The following IMMP2L variants were observed in gnomAD, a reference collection of about 807,000 sequenced individuals.
The protein encoded by IMMP2L is inner mitochondrial membrane peptidase subunit 2.
In IMMP2L, 18 loss-of-function variants were observed where a neutral mutation model predicts 19.3. That is an observed-to-expected ratio of 0.93 (90% confidence interval 0.64 to 1.38). The LOEUF (loss-of-function observed/expected upper bound fraction) is 1.38. Among genes scored for constraint, IMMP2L ranks in the 40% most tolerant of loss-of-function variants. The pLI is 0.00. For missense variants in IMMP2L, 233 were observed against 218.2 expected (o/e 1.07, Z -0.43); for synonymous variants, 76 against 73.0 (o/e 1.04, Z -0.21).
At chr7:111,349,175 A>G (rs956843685) in intron 3 of IMMP2L, among the ~76,000 whole-genome samples, 2 of 152,204 alleles carry the variant, frequency 1.3e-5, no homozygotes, top group African/African-American at 4.8e-5. Context: ...GAATCAGAAC[A>G]TAGGATTGCT....
chr7:111,521,947 A>G (rs1846372803), intron 1 of IMMP2L, among the ~76,000 whole-genome samples: 1 of 152,068 alleles, frequency 6.6e-6, no homozygotes, highest in Non-Finnish European at 1.5e-5. Context: ...GCACCCTGAA[A>G]AGGAGGATGC....
intron 2 of IMMP2L, among the ~76,000 whole-genome samples, chr7:111,496,945 T>C (rs183049114): frequency 1.3e-5 from 2 of 151,804 alleles, no homozygotes; most frequent in African/African-American, 4.9e-5. Context: ...CAGATAAATA[T>C]CCTATTCGTT....
intron 5 of IMMP2L, among the ~76,000 whole-genome samples, chr7:110,826,435 C>G (rs1327227700): frequency 6.6e-6 from 1 of 152,106 alleles, no homozygotes; most frequent in South Asian, 2.1e-4. Context: ...TTGGAACCAA[C>G]CCAAATGTCC....
At chr7:110,791,119 G>T (rs889838133) in intron 5 of IMMP2L, among the ~76,000 whole-genome samples, 2 of 151,570 alleles carry the variant, frequency 1.3e-5, no homozygotes, top group African/African-American at 4.9e-5. Flanking sequence ...CACAGTGAAA[G>T]GCTAAACACC....
intron 3 of IMMP2L, among the ~76,000 whole-genome samples, chr7:111,205,068 G>A (rs867010448): frequency 6.6e-6 from 1 of 152,124 alleles, no homozygotes; most frequent in African/African-American, 2.4e-5. Flanking sequence ...GTCTGGTGAG[G>A]GCCTTCTTGC....
chr7:111,391,978 G>C (rs1227465111), intron 3 of IMMP2L: 3 of 703,074 alleles, frequency 4.3e-6, no homozygotes, highest in African/African-American at 3.5e-5. Flanking sequence ...GTTGGCAACA[G>C]AGGTTCAGAA....
chr7:111,039,313 G>T (rs551211545), intron 3 of IMMP2L, among the ~76,000 whole-genome samples: 1 of 152,136 alleles, frequency 6.6e-6, no homozygotes, highest in Non-Finnish European at 1.5e-5. Context: ...ATATAGTGTG[G>T]TCTATTTAGG....
At chr7:111,013,511 C>G (rs1360609139) in intron 3 of IMMP2L, among the ~76,000 whole-genome samples, 1 of 151,956 alleles carries the variant, frequency 6.6e-6, no homozygotes, top group African/African-American at 2.4e-5. Flanking sequence ...GGAGGGTGTG[C>G]AAGTTTCTGT....
At chr7:111,370,416 G>A (rs1830162592) in intron 3 of IMMP2L, among the ~76,000 whole-genome samples, 1 of 151,910 alleles carries the variant, frequency 6.6e-6, no homozygotes, top group East Asian at 1.9e-4. Flanking sequence ...CTTAGCAAGT[G>A]GAATACATCA....
intron 5 of IMMP2L, among the ~76,000 whole-genome samples, chr7:110,773,544 C>T (rs2131035118): frequency 6.6e-6 from 1 of 152,090 alleles, no homozygotes; most frequent in East Asian, 1.9e-4. Context: ...GGCCAAACAC[C>T]GTCTGGCAAC....
chr7:111,520,525 G>GA (rs1377414081), intron 2 of IMMP2L, among the ~76,000 whole-genome samples: 1 of 151,520 alleles, frequency 6.6e-6, no homozygotes, highest in Non-Finnish European at 1.5e-5. Flanking sequence ...GAAACAAAAA[G>GA]AAAAAAAATT....
At chr7:111,335,615 C>T (rs1826320773) in intron 3 of IMMP2L, among the ~76,000 whole-genome samples, 1 of 151,934 alleles carries the variant, frequency 6.6e-6, no homozygotes, top group African/African-American at 2.4e-5. Context: ...GTAGAAACAG[C>T]CTAAATGTCC....
chr7:111,096,752 G>A (rs1797445327), intron 3 of IMMP2L, among the ~76,000 whole-genome samples: 1 of 151,868 alleles, frequency 6.6e-6, no homozygotes, highest in African/African-American at 2.4e-5. Flanking sequence ...AATGGATCAA[G>A]TGTCAACATA....
chr7:111,489,851 A>G (rs1842948711), intron 2 of IMMP2L, among the ~76,000 whole-genome samples: 1 of 152,106 alleles, frequency 6.6e-6, no homozygotes, highest in Non-Finnish European at 1.5e-5. Context: ...TTAAAATGGA[A>G]TTTGTTATCA....
At chr7:110,783,363 T>C (rs1799869471) in intron 5 of IMMP2L, among the ~76,000 whole-genome samples, 1 of 151,842 alleles carries the variant, frequency 6.6e-6, no homozygotes, top group Non-Finnish European at 1.5e-5. Flanking sequence ...AATTTACTTG[T>C]CTGAGGTCAC....
chr7:111,067,893 TC>T (rs1294877040), intron 3 of IMMP2L, among the ~76,000 whole-genome samples: 3 of 152,090 alleles, frequency 2.0e-5, no homozygotes, highest in Non-Finnish European at 4.4e-5. Flanking sequence ...GGTCATAGTC[TC>T]TAACAGATAA....
chr7:111,081,910 A>G (rs192005090), intron 3 of IMMP2L, among the ~76,000 whole-genome samples: 1 of 152,230 alleles, frequency 6.6e-6, no homozygotes, highest in South Asian at 2.1e-4. Context: ...CAGAGTGAGG[A>G]AGAAAGAATG....
chr7:110,798,367 A>G (rs1801007812), intron 5 of IMMP2L, among the ~76,000 whole-genome samples: 1 of 152,014 alleles, frequency 6.6e-6, no homozygotes, highest in African/African-American at 2.4e-5. Flanking sequence ...GGCACAAAGA[A>G]GAAATCAGAA....
At chr7:111,362,529 G>A (rs1829360210) in intron 3 of IMMP2L, among the ~76,000 whole-genome samples, 1 of 151,848 alleles carries the variant, frequency 6.6e-6, no homozygotes, top group Non-Finnish European at 1.5e-5. Flanking sequence ...TGTTCACTAA[G>A]TAGATGAGAA....
Sources: gnomAD v4.1 joint callset for allele counts (sites outside exome capture counted in the v4.1 genomes callset) on GRCh38, gnomAD v4.1.1 for gene constraint, MANE v1.5 for transcripts, NCBI Gene and HGNC (gene_info 2026-07-23, HGNC 2026-07-21) for gene names.